The following NKTR variants were observed in gnomAD, a reference collection of about 807,000 sequenced individuals.
NKTR encodes NK-tumor recognition protein.
Under a neutral mutation model 156.3 loss-of-function variants are expected in NKTR, and 67 were observed. The observed-to-expected ratio is 0.43, with a 90% confidence interval of 0.35 to 0.53. The LOEUF (loss-of-function observed/expected upper bound fraction) is 0.53, where lower values mean the gene tolerates loss of function less well. Among genes scored for constraint, NKTR ranks in the 20% least tolerant of loss-of-function variants. The pLI, the probability that NKTR is intolerant of heterozygous loss-of-function variation, is 0.01. For missense variants in NKTR, 1,604 were observed against 1,730.9 expected (o/e 0.93, Z 1.30); for synonymous variants, 640 against 596.6 (o/e 1.07, Z -1.06).
intron 2 of NKTR, among the ~76,000 whole-genome samples, chr3:42,615,204 G>C (rs777903871): frequency 6.6e-6 from 1 of 151,534 alleles, no homozygotes; most frequent in Non-Finnish European, 1.5e-5. Context: ...TCAGCCTCCC[G>C]AGTAGCTAGG....
At chr3:42,641,927 T>G (rs2300057) in intron 13 of NKTR, among the ~76,000 whole-genome samples, 1 of 151,922 alleles carries the variant, frequency 6.6e-6, no homozygotes, top group Non-Finnish European at 1.5e-5. Flanking sequence ...CCTAGGTGCA[T>G]GCCTATGTCC....
chr3:42,632,302 C>G (rs955991452), intron 8 of NKTR, among the ~76,000 whole-genome samples: 3 of 151,884 alleles, frequency 2.0e-5, no homozygotes, highest in African/African-American at 7.3e-5. Flanking sequence ...TACTCCTGAC[C>G]TCAAGTGATT....
At chr3:42,628,998 T>C in intron 6 of NKTR, 1 of 678,184 alleles carries the variant, frequency 1.5e-6, no homozygotes, top group Non-Finnish European at 1.8e-6. Flanking sequence ...TGAGACTCCA[T>C]CTCAAAATAA....
At chr3:42,614,532 A>T (rs1403357609) in intron 2 of NKTR, among the ~76,000 whole-genome samples, 1 of 152,134 alleles carries the variant, frequency 6.6e-6, no homozygotes, top group Admixed American at 6.5e-5. Context: ...ATAAAATCAT[A>T]CAATTCAATA....
At chr3:42,626,528 G>T (rs1483518528) in intron 6 of NKTR, among the ~76,000 whole-genome samples, 1 of 152,068 alleles carries the variant, frequency 6.6e-6, no homozygotes, top group East Asian at 1.9e-4. Flanking sequence ...CTCTGAGAAG[G>T]TCCCTAAAAT....
At chr3:42,630,923 G>A (rs1197501698) in intron 7 of NKTR, 1 of 1,379,616 alleles carries the variant, frequency 7.2e-7, no homozygotes, top group Non-Finnish European at 9.3e-7. Flanking sequence ...AATGTTACCA[G>A]ACTCTTTACC....
chr3:42,608,498 C>T (rs1378781479), intron 2 of NKTR, among the ~76,000 whole-genome samples: 1 of 152,190 alleles, frequency 6.6e-6, no homozygotes, highest in Non-Finnish European at 1.5e-5. Flanking sequence ...GCCTTCTGGA[C>T]ATGTCGCCCT....
chr3:42,634,740 TA>T (rs1709223387), intron 11 of NKTR, 40 bp downstream of exon 11: 3 of 1,149,238 alleles, frequency 2.6e-6, no homozygotes, highest in Non-Finnish European at 3.8e-6. Context: ...ATGTATCTAA[TA>T]AAAAATTTTT....
At chr3:42,631,094 A>C (rs1708860928) in intron 7 of NKTR, 77 bp from the exon 8 acceptor site, 2 of 1,559,438 alleles carry the variant, frequency 1.3e-6, no homozygotes, top group Admixed American at 3.7e-5. Context: ...CATGTCATTG[A>C]TTACAGTTAA....
intron 13 of NKTR, among the ~76,000 whole-genome samples, chr3:42,640,137 T>C (rs887892321): frequency 3.9e-5 from 6 of 152,192 alleles, no homozygotes; most frequent in African/African-American, 4.8e-5. Flanking sequence ...ATTTTACACA[T>C]GTGGAAGTTG....
At chr3:42,621,263 C>A in intron 5 of NKTR, 166 bp from the exon 6 acceptor site, 1 of 1,307,050 alleles carries the variant, frequency 7.7e-7, no homozygotes, top group South Asian at 2.1e-5. Context: ...CCTTTTTATG[C>A]TTTTGTTATT....
chr3:42,618,794 T>C (rs1393215948), intron 3 of NKTR, among the ~76,000 whole-genome samples: 1 of 152,178 alleles, frequency 6.6e-6, no homozygotes, highest in Non-Finnish European at 1.5e-5. Context: ...TCCTATAGCA[T>C]GTAGAGTCTG....
At chr3:42,600,915 C>CGCCCTCGCCCCT (rs1175718521) in intron 1 of NKTR, 69 bp from the exon 2 acceptor site, 26 of 983,046 alleles carry the variant, frequency 2.6e-5, no homozygotes, top group Admixed American at 3.5e-5. Flanking sequence ...GTCTCAGCCC[C>CGCCCTCGCCCCT]GCCCTCGCCC....
At chr3:42,614,249 G>A (rs966600283) in intron 2 of NKTR, among the ~76,000 whole-genome samples, 2 of 152,128 alleles carry the variant, frequency 1.3e-5, no homozygotes, top group Non-Finnish European at 2.9e-5. Flanking sequence ...CAGAGATGGG[G>A]TTACTGTCAC....
In NKTR at chr3:42,646,999, C is replaced by T. The variant is rs1269647310; in HGVS notation, c.*1024C>T. 1 of 151,688 alleles carries T rather than the reference C, an allele frequency of 6.6e-6. No homozygotes were observed. Among genetic ancestry groups the T allele is most frequent in the African/African-American group, 2.4e-5 (1 of 41,250 alleles). 9.4% of individuals were successfully genotyped at this position (151,688 alleles called of 1,614,324 possible). On this transcript the variant is annotated 3_prime_UTR_variant, in exon 17 of 17. Coordinates refer to ENST00000232978, the MANE Select transcript of NKTR (RefSeq NM_005385.4). ...GAAGAATGGACTTCAAAAGTAACAT[C>T]AAAAATCTAACTGCCACCATCCTGG...
chr3:42,633,238 C>T (rs1034502628), intron 9 of NKTR: 37 of 536,460 alleles, frequency 6.9e-5, no homozygotes, highest in East Asian at 1.7e-4. Context: ...CAGGGTCTTC[C>T]GCTATGTTGA....
In NKTR at chr3:42,603,335, G is replaced by C. The variant is rs538727139; in HGVS notation, c.58+2271G>C. Among the ~76,000 whole-genome samples the C allele has an allele frequency of 2.1e-4, 30 of 145,224 alleles. 1 individual carries two copies. The highest frequency in any genetic ancestry group is 3.8e-3 in the Middle Eastern group (1 of 262). On this transcript the variant is annotated intron_variant, in intron 2 of 16. Coordinates refer to ENST00000232978, the MANE Select transcript of NKTR (RefSeq NM_005385.4). ...TGATTGCACCACTGCACTCCAGCTT[G>C]GTCAACAGAGCAAGATCTTGTTTCT...
chr3:42,633,680 G>A lies in NKTR; in HGVS notation c.874G>A (p.Glu292Lys), dbSNP rs1205799792. Reference sequence around the variant, plus strand: ...CCCAGAAGAGATTCCTCCAGTGCCTGAGAACCGATTTTTACTGAGAAGAGA... The same window carrying A: ...CCCAGAAGAGATTCCTCCAGTGCCTAAGAACCGATTTTTACTGAGAAGAGA... Reference protein sequence around the residue: ...VRPEEIPPVPENRFLLRRDMP... With the variant: ...VRPEEIPPVPKNRFLLRRDMP... Residue 292 changes from glutamate to lysine, a missense_variant, in exon 10 of 17, where the codon GAG (glutamate) becomes AAG (lysine). Coordinates refer to ENST00000232978, the MANE Select transcript of NKTR (RefSeq NM_005385.4). 14 of 1,614,134 alleles carry A rather than the reference G, an allele frequency of 8.7e-6. No homozygotes were observed. The highest frequency in any genetic ancestry group is 1.7e-5 in the Admixed American group (1 of 60,018).
At chr3:42,636,441 A>G (rs939941032) in intron 12 of NKTR, among the ~76,000 whole-genome samples, 27 of 152,208 alleles carry the variant, frequency 1.8e-4, no homozygotes, top group Admixed American at 5.2e-4. Flanking sequence ...GCTTCATGCT[A>G]GTTTCAAGCA....
Sources: gnomAD v4.1 joint callset for allele counts (sites outside exome capture counted in the v4.1 genomes callset) on GRCh38, gnomAD v4.1.1 for gene constraint, MANE v1.5 for transcripts, NCBI Gene and HGNC (gene_info 2026-07-23, HGNC 2026-07-21) for gene names.